CADPS: variants seen among roughly 807,000 people sequenced by gnomAD.
The protein encoded by CADPS is calcium dependent secretion activator.
A neutral mutation model predicts 167.3 loss-of-function variants in CADPS; 57 were observed. The ratio of observed to expected loss-of-function variants is 0.34; its 90% CI spans 0.28 to 0.42. The LOEUF (loss-of-function observed/expected upper bound fraction) is 0.42. Among genes scored for constraint, CADPS ranks in the 20% least tolerant of loss-of-function variants. CADPS has a pLI of 1.00. For missense variants in CADPS, 1,414 were observed against 1,738.1 expected (o/e 0.81, Z 3.32); for synonymous variants, 676 against 635.3 (o/e 1.06, Z -0.96).
At chr3:62,782,184 A>G (rs2091759005) in intron 1 of CADPS, among the ~76,000 whole-genome samples, 1 of 152,124 alleles carries the variant, frequency 6.6e-6, no homozygotes, top group African/African-American at 2.4e-5. Flanking sequence ...GAAAAAAGAC[A>G]TTTCCCCCTT....
At chr3:62,501,592 T>C (rs11925875) in intron 17 of CADPS, among the ~76,000 whole-genome samples, 74,736 of 152,050 alleles carry the variant, frequency 0.49, 19,226 homozygotes, top group Non-Finnish European at 0.58. Context: ...CTTCAGGAAA[T>C]CCCACTTGGG....
intron 1 of CADPS, among the ~76,000 whole-genome samples, chr3:62,835,514 A>G (rs2075769237): frequency 6.6e-6 from 1 of 152,198 alleles, no homozygotes; most frequent in South Asian, 2.1e-4. Context: ...CTTTTATGAG[A>G]AAACATGGGG....
rs2083224127 is a variant in CADPS at position 62,753,704 on chromosome 3, C to T, written c.625G>A (p.Glu209Lys). 1.2e-6 allele frequency: 2 copies of T among 1,614,162 alleles called. No homozygotes were observed. The highest frequency in any genetic ancestry group is 1.7e-5 in the Admixed American group (1 of 60,006). ...TTCTCAATGTGCTTCTTGAAGACCT[C>T]CCGGGAGTCGTTGGCGGAACAGCCT... ...SGGCSANDSR[E>K]VFKKHIEKRV... Residue 209 changes from glutamate to lysine, a missense_variant, in exon 3 of 30, where the codon GAG (glutamate) becomes AAG (lysine). Glu to Lys is a moderately conservative substitution (Grantham distance 56). Transcript: ENST00000383710. This position sits in a 1 kb window ranked among gnomAD's most constrained non-coding sequence, Gnocchi z 4.6.
chr3:62,683,579 C>T lies in CADPS; in HGVS notation c.889-21185G>A, dbSNP rs190865560. The stretch of plus-strand genomic sequence containing the variant: ...TCTCATGTTACCATGGCACATTTGT[C>T]AAAACATATGAACAAACATTGATAC... On this transcript the variant is annotated intron_variant, in intron 3 of 29. Coordinates refer to ENST00000383710, the MANE Select transcript of CADPS (RefSeq NM_003716.4). 4.6e-5 allele frequency among the ~76,000 whole-genome samples: 7 copies of T among 152,042 alleles called. No homozygotes were observed. The East Asian group carries it at 1.2e-3, about 25-fold the overall frequency.
intron 6 of CADPS, among the ~76,000 whole-genome samples, chr3:62,599,741 ATATAATC>A (rs1259999035): frequency 2.9e-5 from 1 of 34,968 alleles, no homozygotes; most frequent in African/African-American, 1.4e-4. Flanking sequence ...TATATAATAT[ATATAATC>A]TATTATATAT....
At position 62,458,610 on chromosome 3, in the gene CADPS, T is replaced by C. The variant is rs1169573081; in HGVS notation, c.3636+6757A>G. On this transcript the variant is annotated intron_variant, in intron 26 of 29. Coordinates refer to ENST00000383710, the MANE Select transcript of CADPS (RefSeq NM_003716.4). This position sits in a 1 kb window ranked among gnomAD's most constrained non-coding sequence, Gnocchi z 4.6. Reference sequence around the variant, plus strand: ...TTCAAGCAATTCTCCTGGCTCAGCCTCTCAAGCAGTTGGGATTACAGGCAC... The same window carrying C: ...TTCAAGCAATTCTCCTGGCTCAGCCCCTCAAGCAGTTGGGATTACAGGCAC... Among the ~76,000 whole-genome samples, 1 of 152,162 alleles carries C rather than the reference T, an allele frequency of 6.6e-6. No homozygotes were observed. The highest frequency in any genetic ancestry group is 2.4e-5 in the African/African-American group (1 of 41,444).
chr3:62,562,159 A>G (rs745699496), intron 9 of CADPS, among the ~76,000 whole-genome samples: 29 of 152,344 alleles, frequency 1.9e-4, no homozygotes, highest in East Asian at 1.5e-3. Context: ...TTCCTGAGGA[A>G]GCATTGACGG....
intron 27 of CADPS, chr3:62,439,954 A>C (rs1388304943): frequency 1.3e-5 from 2 of 152,208 alleles, no homozygotes; most frequent in Non-Finnish European, 2.9e-5. Flanking sequence ...AGTGTGGTTC[A>C]TCTTACCCAT....
intron 3 of CADPS, among the ~76,000 whole-genome samples, chr3:62,717,897 G>A (rs6445296): frequency 0.54 from 82,556 of 151,872 alleles, 22,795 homozygotes; most frequent in East Asian, 0.74. Flanking sequence ...CCTCCCTGTC[G>A]CATGTGTTCC....
chr3:62,711,829 G>C (rs1054437785), intron 3 of CADPS, among the ~76,000 whole-genome samples: 3 of 152,172 alleles, frequency 2.0e-5, no homozygotes, highest in Non-Finnish European at 2.9e-5. Flanking sequence ...ATGCATGACT[G>C]AACAATTTAG....
chr3:62,797,865 A>G lies in CADPS; in HGVS notation c.442-31881T>C, dbSNP rs375035323. ...ATAAAAGGTTTCCTGAAAGTAATCT[A>G]TAACAAAAAAATCTTTTGAGACTGA... On this transcript the variant is annotated intron_variant, in intron 1 of 29. Transcript: ENST00000383710. Among the ~76,000 whole-genome samples the G allele has an allele frequency of 1.7e-4, 26 of 152,304 alleles. 1 individual carries two copies. The South Asian group carries it at 3.3e-3, about 19-fold the overall frequency.
chr3:62,413,502 C>T (rs2149281649), intron 28 of CADPS, among the ~76,000 whole-genome samples: 1 of 152,234 alleles, frequency 6.6e-6, no homozygotes, highest in East Asian at 1.9e-4. Flanking sequence ...AGATATTATG[C>T]TAAATGAAAT....
At chr3:62,428,650 C>T (rs1239314789) in intron 28 of CADPS, among the ~76,000 whole-genome samples, 2 of 152,102 alleles carry the variant, frequency 1.3e-5, no homozygotes, top group South Asian at 2.1e-4. Context: ...GTTGCTACAT[C>T]ATACTCATCG....
chr3:62,815,241 T>C (rs1288647303), intron 1 of CADPS, among the ~76,000 whole-genome samples: 1 of 151,774 alleles, frequency 6.6e-6, no homozygotes, highest in Non-Finnish European at 1.5e-5. Context: ...GGTGAAATAT[T>C]GTGTGATAGT....
At chr3:62,522,487 G>A (rs1250917042) in intron 13 of CADPS, among the ~76,000 whole-genome samples, 1 of 152,060 alleles carries the variant, frequency 6.6e-6, no homozygotes, top group Non-Finnish European at 1.5e-5. Flanking sequence ...CATACAGTAA[G>A]AACCACTGTG....
intron 3 of CADPS, among the ~76,000 whole-genome samples, chr3:62,736,607 A>C (rs2079032900): frequency 6.6e-6 from 1 of 152,222 alleles, no homozygotes; most frequent in African/African-American, 2.4e-5. Context: ...AACCTAAGGA[A>C]AGTGTTGAGT....
intron 28 of CADPS, among the ~76,000 whole-genome samples, chr3:62,418,515 T>A (rs1283248488): frequency 6.8e-5 from 10 of 147,684 alleles, no homozygotes; most frequent in African/African-American, 2.5e-4. Context: ...TTTTTTGGTA[T>A]TTTTTTGTAG....
At chr3:62,500,465 A>G (rs2151302275) in intron 17 of CADPS, 1 of 152,246 alleles carries the variant, frequency 6.6e-6, no homozygotes, top group African/African-American at 2.4e-5. Context: ...CAAAACATAA[A>G]GGTTTTCTTG....
chr3:62,752,792 T>C (rs142920401), intron 3 of CADPS, among the ~76,000 whole-genome samples: 138 of 152,282 alleles, frequency 9.1e-4, no homozygotes, highest in African/African-American at 3.2e-3. Context: ...GACTGCAAAA[T>C]AGGCACGTAA....
Sources: allele counts gnomAD v4.1 joint callset (sites outside exome capture counted in the v4.1 genomes callset), GRCh38; gene constraint gnomAD v4.1.1; non-coding constraint Gnocchi (gnomAD v3.1); transcripts MANE v1.5; gene names NCBI Gene and HGNC (gene_info 2026-07-23, HGNC 2026-07-21).